TUBG2: variants seen among roughly 807,000 people sequenced by gnomAD.
TUBG2 encodes the protein tubulin gamma 2, also known as tubulin gamma-2 chain.
In TUBG2, 39 loss-of-function variants were observed where a neutral mutation model predicts 55.1. The ratio of observed to expected loss-of-function variants is 0.71; its 90% CI spans 0.55 to 0.93. TUBG2 has a LOEUF of 0.93. TUBG2 is among the 40% of genes least tolerant of loss of function. TUBG2 has a pLI of 0.00. For missense variants in TUBG2, 358 were observed against 599.1 expected (o/e 0.60, Z 4.20); for synonymous variants, 223 against 241.0 (o/e 0.93, Z 0.69).
chr17:42,660,753 G>A (rs758640016), intron 4 of TUBG2, 46 bp downstream of exon 4: 13 of 1,583,252 alleles, frequency 8.2e-6, no homozygotes, highest in Admixed American at 1.7e-5. Context: ...AGGCCGAAGA[G>A]TGCTGGGGAC....
chr17:42,660,670 T>G lies in TUBG2; in HGVS notation c.362T>G (p.Ile121Ser), dbSNP rs376895649. 1.2e-6 allele frequency: 2 copies of G among 1,614,036 alleles called. No individual in the cohort carries two copies. The highest frequency in any genetic ancestry group is 1.7e-6 in the Non-Finnish European group (2 of 1,180,010). The change falls in exon 4 of 11, where the codon ATC becomes AGC. Residue 121 changes from isoleucine to serine, a missense_variant. Around this residue, in one of 8 missense-constraint regions of TUBG2, gnomAD observed 30 missense variants for 52.8 expected, o/e 0.57. Transcript: ENST00000251412. The stretch of plus-strand genomic sequence containing the variant: ...AAAATTCATGAAGACATCTTTGACA[T>G]CATAGACCGAGAAGCAGATGGAAGT... ...GEKIHEDIFD[I>S]IDREADGSDS... is the part of the protein sequence containing the mutation.
At position 42,666,215 on chromosome 17, in the gene TUBG2, C is replaced by T; in HGVS notation, c.972C>T (p.Ile324=). 6.2e-7 allele frequency: 1 copy of T among 1,613,950 alleles called. No individual in the cohort carries two copies. Among genetic ancestry groups the T allele is most frequent in the South Asian group, 1.1e-5 (1 of 91,074 alleles). ...GCTACATCGCCATCCTCAACATCAT[C>T]CAGGGAGAGGTGGACCCCACCCAGG... ...NHCYIAILNI[I]QGEVDPTQVH... The change falls in exon 9 of 11, where the codon ATC becomes ATT. Residue 324 remains isoleucine, a synonymous_variant. Coordinates refer to ENST00000251412, the MANE Select transcript of TUBG2 (RefSeq NM_016437.3).
In TUBG2 at chr17:42,666,764, G is replaced by A; in HGVS notation, c.1320G>A (p.Gln440=). The change falls in exon 11 of 11, where the codon CAG becomes CAA. Residue 440 remains glutamine (Q), a synonymous_variant. Transcript: ENST00000251412. The stretch of plus-strand genomic sequence containing the variant: ...TTGATGAGTACCATGCGGCCACCCA[G>A]CCAGACTACATTTCCTGGGGCACCC... The part of the protein sequence containing the change: ...ELIDEYHAAT[Q]PDYISWGTQE... 6.2e-7 allele frequency: 1 copy of A among 1,614,106 alleles called. No individual in the cohort carries two copies. The highest frequency in any genetic ancestry group is 8.5e-7 in the Non-Finnish European group (1 of 1,179,996).
intron 3 of TUBG2, 160 bp from the exon 4 acceptor site, chr17:42,660,479 C>T: frequency 7.5e-7 from 1 of 1,331,882 alleles, no homozygotes; most frequent in Non-Finnish European, 1.0e-6. Context: ...TTGTGCAAAT[C>T]ATTTGCAATA....
intron 4 of TUBG2, 68 bp from the exon 5 acceptor site, chr17:42,662,905 G>A: frequency 6.6e-7 from 1 of 1,503,860 alleles, no homozygotes; most frequent in Non-Finnish European, 9.2e-7. Context: ...CCACCCATCT[G>A]GTATCAGAAT....
At position 42,660,158 on chromosome 17, in the gene TUBG2, G is replaced by C; in HGVS notation, c.172G>C (p.Glu58Gln). The C allele has an allele frequency of 6.3e-7, 1 of 1,593,332 alleles. No homozygotes were observed. The highest frequency in any genetic ancestry group is 2.2e-5 in the East Asian group (1 of 44,604). ...KDVFFYQADD[E>Q]HYIPRAVLLD... is the part of the protein sequence containing the mutation. ...GGACTCCCCTTGACAGGCAGACGAT[G>C]AGCACTACATCCCCCGGGCCGTGCT... The change falls in exon 3 of 11, where the codon GAG becomes CAG. Residue 58 changes from glutamate to glutamine, a missense_variant. Glu to Gln is a conservative substitution (Grantham distance 29). Coordinates refer to ENST00000251412, the MANE Select transcript of TUBG2 (RefSeq NM_016437.3).
intron 8 of TUBG2, 66 bp from the exon 9 acceptor site, chr17:42,666,021 C>T: frequency 3.1e-6 from 5 of 1,608,846 alleles, no homozygotes; most frequent in Non-Finnish European, 4.3e-6. Context: ...TTGGCTTCTG[C>T]CAAAGAGAAG....
intron 4 of TUBG2, among the ~76,000 whole-genome samples, chr17:42,662,068 G>T (rs1000803601): frequency 2.0e-5 from 3 of 152,228 alleles, no homozygotes; most frequent in Non-Finnish European, 4.4e-5. Flanking sequence ...ACTTTGGGAG[G>T]CCGAAGCAGG....
chr17:42,661,921 G>C (rs919261743), intron 4 of TUBG2, among the ~76,000 whole-genome samples: 1 of 152,182 alleles, frequency 6.6e-6, no homozygotes, highest in Non-Finnish European at 1.5e-5. Context: ...TTGTGGGACT[G>C]AGCCTTCACT....
In TUBG2 at chr17:42,660,293, A is replaced by T. The variant is rs2052353376; in HGVS notation, c.307A>T (p.Asn103Tyr). ...GGAACATGGAGGAGGAGCTGGCAAC[A>T]ACTGGGCCAGCGGATTCTCCCAGGT... ...LSEHGGGAGN[N>Y]WASGFSQGEK... Residue 103 changes from asparagine (N) to tyrosine (Y), a missense_variant, in exon 3 of 11, where the codon AAC becomes TAC. Asn to Tyr is a moderately radical substitution (Grantham distance 143). Transcript: ENST00000251412. 3 of 1,614,028 alleles carry T rather than the reference A, an allele frequency of 1.9e-6. No individual in the cohort carries two copies. Among genetic ancestry groups the T allele is most frequent in the Non-Finnish European group, 2.5e-6 (3 of 1,180,022 alleles).
At chr17:42,663,294 C>T in intron 5 of TUBG2, 83 bp from the exon 6 acceptor site, 2 of 1,582,660 alleles carry the variant, frequency 1.3e-6, no homozygotes, top group Middle Eastern at 1.7e-4. Flanking sequence ...TCTGCCCTCA[C>T]CCCTTTTGTA....
intron 4 of TUBG2, 72 bp downstream of exon 4, chr17:42,660,779 C>CT (rs3835175): frequency 0.41 from 575,352 of 1,392,970 alleles, 122,294 homozygotes; most frequent in Middle Eastern, 0.54. Context: ...AGGAGGTGGC[C>CT]TGGATAGGTA....
At chr17:42,666,571 G>A (rs2052552611) in intron 10 of TUBG2, 32 bp from the exon 11 acceptor site, 1 of 1,614,062 alleles carries the variant, frequency 6.2e-7, no homozygotes, top group East Asian at 2.2e-5. Flanking sequence ...TAACCCCCTG[G>A]CTCGCATTTT....
rs752719048 is a variant in TUBG2, at chr17:42,663,394, T to A, written c.497T>A (p.Val166Glu). Reference sequence around the variant, plus strand: ...TCTCTCAGGTACCCCAAGAAGCTAGTGCAGACTTATTCAGTGTTTCCCTAC... The same window carrying A: ...TCTCTCAGGTACCCCAAGAAGCTAGAGCAGACTTATTCAGTGTTTCCCTAC... ...RLNDRYPKKLVQTYSVFPYQD... is the reference protein window; with the variant it reads ...RLNDRYPKKLEQTYSVFPYQD... The change falls in exon 6 of 11, where the codon GTG (valine) becomes GAG (glutamate). Residue 166 changes from valine (V) to glutamate (E), a missense_variant. Transcript: ENST00000251412. The A allele has an allele frequency of 6.2e-7, 1 of 1,614,148 alleles. No homozygotes were observed. Among genetic ancestry groups the A allele is most frequent in the Admixed American group, 1.7e-5 (1 of 60,022 alleles).
rs1249235850 is a variant in TUBG2 at position 42,665,625 on chromosome 17, G to C, written c.694-53G>C. The C allele has an allele frequency of 1.9e-6, 3 of 1,614,058 alleles. No individual in the cohort carries two copies. The East Asian group carries it at 6.7e-5, about 36-fold the overall frequency. ...CCTCCTTGCTGGAGGGTCATCTGGG[G>C]AAGGAAGGTCCCACCCAGGCCGAGC... On this transcript the variant is annotated intron_variant, in intron 7 of 10. Coordinates refer to ENST00000251412, the MANE Select transcript of TUBG2 (RefSeq NM_016437.3).
At position 42,665,792 on chromosome 17, in the gene TUBG2, A is replaced by G. The variant is rs2052519581; in HGVS notation, c.808A>G (p.Met270Val). ...TCCCACCCCACGGCTCCACTTCCTC[A>G]TGACCGGCTACACCCCGCTCACTAC... ...LIPTPRLHFL[M>V]TGYTPLTTDQ... is the part of the protein sequence containing the mutation. The change falls in exon 8 of 11, where the codon ATG becomes GTG. Residue 270 changes from methionine to valine, a missense_variant. Transcript: ENST00000251412. The G allele has an allele frequency of 6.2e-7, 1 of 1,614,000 alleles. No individual in the cohort carries two copies.
chr17:42,665,588 T>C (rs1432200516), intron 7 of TUBG2, 26 bp downstream of exon 7: 2 of 1,614,032 alleles, frequency 1.2e-6, no homozygotes, highest in African/African-American at 2.7e-5. Context: ...CGGACTCCTT[T>C]GGACTGGAAG....
At chr17:42,663,198 G>T in intron 5 of TUBG2, 146 bp downstream of exon 5, 6 of 1,265,046 alleles carry the variant, frequency 4.7e-6, no homozygotes, top group Non-Finnish European at 6.6e-6. Flanking sequence ...AGCTATTTTG[G>T]GGGGTGGGGG....
intron 8 of TUBG2, 120 bp downstream of exon 8, chr17:42,665,947 G>A (rs576877012): frequency 1.5e-5 from 23 of 1,585,950 alleles, no homozygotes; most frequent in East Asian, 1.1e-4. Context: ...AAGGCACTGC[G>A]CTCAGGGACT....
Sources: gnomAD v4.1 joint callset for allele counts (sites outside exome capture counted in the v4.1 genomes callset) on GRCh38, gnomAD v4.1.1 for gene constraint, gnomAD v4.1.1 regional missense constraint, MANE v1.5 for transcripts, NCBI Gene and HGNC (gene_info 2026-07-23, HGNC 2026-07-21) for gene names.